DDI1: variants seen among roughly 807,000 people sequenced by gnomAD.
DDI1 encodes protein DDI1 homolog 1.
A neutral mutation model predicts 7.2 loss-of-function variants in DDI1; 6 were observed. The ratio of observed to expected loss-of-function variants is 0.83; its 90% CI spans 0.46 to 1.64. The LOEUF (loss-of-function observed/expected upper bound fraction) is 1.64. Ranked by LOEUF, DDI1 falls within the 40% of genes most tolerant of loss-of-function variation. The pLI, the probability that DDI1 is intolerant of heterozygous loss-of-function variation, is 0.01. For missense variants in DDI1, 502 were observed against 516.6 expected (o/e 0.97, Z 0.27); for synonymous variants, 221 against 201.7 (o/e 1.10, Z -0.81).
rs138283618 is a variant in DDI1 at position 104,038,064 on chromosome 11, A to G, written c.*51A>G. On this transcript the variant is annotated 3_prime_UTR_variant, in exon 1 of 1. Coordinates refer to ENST00000302259, the MANE Select transcript of DDI1 (RefSeq NM_001001711.3). Reference sequence around the variant, plus strand: ...TTGAGGGAGCCTCAGGTCCCCGGCAATTATAAGTTAAGAGCTTACTGGCAA... The same window carrying G: ...TTGAGGGAGCCTCAGGTCCCCGGCAGTTATAAGTTAAGAGCTTACTGGCAA... The G allele has an allele frequency of 8.8e-4, 1,346 of 1,524,638 alleles. 12 individuals are homozygous for G. In the African/African-American group the frequency reaches 0.017, roughly 19 times the overall value. The allele number at this position is 1,524,638 out of a possible 1,614,324, so 94.4% of individuals were successfully genotyped here.
In DDI1 at chr11:104,037,311, C is replaced by G. The variant is rs778642489; in HGVS notation, c.489C>G (p.Arg163=). 2 of 1,613,538 alleles carry G rather than the reference C, an allele frequency of 1.2e-6. No individual in the cohort carries two copies. The highest frequency in any genetic ancestry group is 1.7e-6 in the Non-Finnish European group (2 of 1,179,642). Residue 163 remains arginine (R), a synonymous_variant, in exon 1 of 1, where the codon CGC becomes CGG. Coordinates refer to ENST00000302259, the MANE Select transcript of DDI1 (RefSeq NM_001001711.3). ...ACGATCTGTCCCTGCTCAAGGAACG[C>G]AACCCTCCCTTGGCGGAAGCCCTGC... ...NPHDLSLLKE[R]NPPLAEALLS...
rs1328951345 is a variant in DDI1 at position 104,037,811 on chromosome 11, T to C, written c.989T>C (p.Leu330Pro). Residue 330 changes from leucine (L) to proline (P), a missense_variant, in exon 1 of 1, where the codon CTA becomes CCA. Physicochemically the swap from Leu to Pro is moderately conservative, Grantham distance 98 (BLOSUM62 -3). Transcript: ENST00000302259. ...GAGGATCAACCCATGGATATGCTTC[T>C]AGGCCTAGATATGCTCCGGAGACAT... ...ILEDQPMDML[L>P]GLDMLRRHQC... is the part of the protein sequence containing the mutation. 6 of 1,614,076 alleles carry C rather than the reference T, an allele frequency of 3.7e-6. No homozygotes were observed. The African/African-American group carries it at 4.0e-5, about 11-fold the overall frequency.
In DDI1 at chr11:104,037,884, T is replaced by C; in HGVS notation, c.1062T>C (p.Thr354=). Residue 354 remains threonine, a synonymous_variant, in exon 1 of 1, where the codon ACT becomes ACC. Transcript: ENST00000302259. ...AAAATGTGCTGGTCATCGGCACCAC[T>C]GGCACGCAGACTTATTTTCTTCCTG... ...LKKNVLVIGT[T]GTQTYFLPEG... 6.2e-7 allele frequency: 1 copy of C among 1,614,202 alleles called. No individual in the cohort carries two copies. The highest frequency in any genetic ancestry group is 8.5e-7 in the Non-Finnish European group (1 of 1,180,036).
In DDI1 at chr11:104,037,077, A is replaced by C. The variant is rs773169369; in HGVS notation, c.255A>C (p.Pro85=). The change falls in exon 1 of 1, where the codon CCA becomes CCC. Residue 85 remains proline (P), a synonymous_variant. Transcript: ENST00000302259. ...AGGACAATGTGGGACCTCGGGCTCCAGGGCGTGCCCCGAACCAGCCTCGTG... is the reference window on the plus strand; with the variant it reads ...AGGACAATGTGGGACCTCGGGCTCCCGGGCGTGCCCCGAACCAGCCTCGTG... The part of the protein sequence containing the change: ...LQKDNVGPRA[P]GRAPNQPRVD... 1.1e-5 allele frequency: 18 copies of C among 1,614,126 alleles called. No homozygotes were observed. The East Asian group carries it at 1.6e-4, about 14-fold the overall frequency.
In DDI1 at chr11:104,038,587, T is replaced by C. The variant is rs1860295265; in HGVS notation, c.*574T>C. 6.0e-6 allele frequency: 1 copy of C among 167,232 alleles called. No individual in the cohort carries two copies. Among genetic ancestry groups the C allele is most frequent in the Non-Finnish European group, 1.5e-5 (1 of 68,286 alleles). The allele number at this position is 167,232 out of a possible 1,614,324, so 10.4% of individuals were successfully genotyped here. ...AGACCAATTTCCTCATATTTACACC[T>C]TCCCTTCCCCTGGATCCCCTGCAGT... On this transcript the variant is annotated 3_prime_UTR_variant, in exon 1 of 1. Transcript: ENST00000302259.
Position 104,037,820 on chromosome 11 carries a change from A to G in DDI1, c.998A>G (p.Asp333Gly). 6.2e-7 allele frequency: 1 copy of G among 1,614,168 alleles called. No homozygotes were observed. Among genetic ancestry groups the G allele is most frequent in the Non-Finnish European group, 8.5e-7 (1 of 1,180,028 alleles). Reference protein sequence around the residue: ...DQPMDMLLGLDMLRRHQCSID... With the variant: ...DQPMDMLLGLGMLRRHQCSID... Reference sequence around the variant, plus strand: ...CCCATGGATATGCTTCTAGGCCTAGATATGCTCCGGAGACATCAATGTTCC... The same window carrying G: ...CCCATGGATATGCTTCTAGGCCTAGGTATGCTCCGGAGACATCAATGTTCC... Residue 333 changes from aspartate (D) to glycine (G), a missense_variant, in exon 1 of 1, where the codon GAT becomes GGT. Coordinates refer to ENST00000302259, the MANE Select transcript of DDI1 (RefSeq NM_001001711.3).
Position 104,038,097 on chromosome 11 carries a change from A to C in DDI1, c.*84A>C. ...TTAAGAGCTTACTGGCAATGTAATC[A>C]TTAAAAAACATCAGTAACAACTAAA... On this transcript the variant is annotated 3_prime_UTR_variant, in exon 1 of 1. Coordinates refer to ENST00000302259, the MANE Select transcript of DDI1 (RefSeq NM_001001711.3). The C allele has an allele frequency of 2.2e-6, 3 of 1,347,922 alleles. No individual in the cohort carries two copies. The highest frequency in any genetic ancestry group is 3.0e-5 in the South Asian group (2 of 67,020). 83.5% of individuals were successfully genotyped at this position (1,347,922 alleles called of 1,614,324 possible).
Position 104,037,654 on chromosome 11 carries a change from A to G in DDI1, c.832A>G (p.Ile278Val). The G allele has an allele frequency of 6.2e-7, 1 of 1,614,178 alleles. No homozygotes were observed. The highest frequency in any genetic ancestry group is 1.1e-5 in the South Asian group (1 of 91,078). ...MSQACAERCN[I>V]MRLVDRRWAG... Reference sequence around the variant, plus strand: ...CCAGGCTTGTGCCGAGCGATGTAACATCATGAGGCTGGTGGACCGACGGTG... The same window carrying G: ...CCAGGCTTGTGCCGAGCGATGTAACGTCATGAGGCTGGTGGACCGACGGTG... The change falls in exon 1 of 1, where the codon ATC (isoleucine) becomes GTC (valine). Residue 278 changes from isoleucine to valine, a missense_variant. Ile to Val is a conservative substitution (Grantham distance 29). Transcript: ENST00000302259.
rs1241982192 is a variant in DDI1, at chr11:104,037,371, G to A, written c.549G>A (p.Leu183=). The change falls in exon 1 of 1, where the codon CTG becomes CTA. Residue 183 remains leucine (L), a synonymous_variant. Coordinates refer to ENST00000302259, the MANE Select transcript of DDI1 (RefSeq NM_001001711.3). ...SGSLETFSQV[L]MEQQREKALR... The stretch of plus-strand genomic sequence containing the variant: ...GCCTTGAGACCTTTTCTCAGGTGCT[G>A]ATGGAGCAGCAAAGGGAAAAGGCCT... 1 of 1,614,030 alleles carries A rather than the reference G, an allele frequency of 6.2e-7. No individual in the cohort carries two copies. The highest frequency in any genetic ancestry group is 8.5e-7 in the Non-Finnish European group (1 of 1,180,056).
rs1860289786 is a variant in DDI1, at chr11:104,038,386, C to T, written c.*373C>T. 4.9e-6 allele frequency: 1 copy of T among 204,450 alleles called. No homozygotes were observed. The highest frequency in any genetic ancestry group is 5.3e-5 in the Admixed American group (1 of 18,900). The allele number at this position is 204,450 out of a possible 1,614,324, so 12.7% of individuals were successfully genotyped here. A position where few individuals can be genotyped will look rare whatever the true frequency, so the allele number is the denominator to read the frequency against. ...CCTGGAAAAATGCTATGGCTGCAGA[C>T]CTTACAAGGCATCCACATAAAACTA... is the stretch of plus-strand genomic sequence containing the variant. On this transcript the variant is annotated 3_prime_UTR_variant, in exon 1 of 1. Transcript: ENST00000302259.
Position 104,038,123 on chromosome 11 carries a change from C to A in DDI1, c.*110C>A, listed in dbSNP as rs1333033644. 1 of 1,167,564 alleles carries A rather than the reference C, an allele frequency of 8.6e-7. No individual in the cohort carries two copies. Among genetic ancestry groups the A allele is most frequent in the Admixed American group, 2.8e-5 (1 of 36,268 alleles). The allele number at this position is 1,167,564 out of a possible 1,614,324, so 72.3% of individuals were successfully genotyped here. On this transcript the variant is annotated 3_prime_UTR_variant, in exon 1 of 1. Transcript: ENST00000302259. Reference sequence around the variant, plus strand: ...TTAAAAAACATCAGTAACAACTAAACCTGGCCTTGGGACTACGTTCTCAGA... The same window carrying A: ...TTAAAAAACATCAGTAACAACTAAAACTGGCCTTGGGACTACGTTCTCAGA...
At position 104,037,322 on chromosome 11, in the gene DDI1, T is replaced by C. The variant is rs768971635; in HGVS notation, c.500T>C (p.Leu167Ser). The stretch of plus-strand genomic sequence containing the variant: ...CTGCTCAAGGAACGCAACCCTCCCT[T>C]GGCGGAAGCCCTGCTCAGCGGAAGC... ...LSLLKERNPPLAEALLSGSLE... is the reference protein window; with the variant it reads ...LSLLKERNPPSAEALLSGSLE... The change falls in exon 1 of 1, where the codon TTG (leucine) becomes TCG (serine). Residue 167 changes from leucine (L) to serine (S), a missense_variant. Physicochemically the swap from Leu to Ser is moderately radical, Grantham distance 145. Coordinates refer to ENST00000302259, the MANE Select transcript of DDI1 (RefSeq NM_001001711.3). The C allele has an allele frequency of 1.2e-6, 2 of 1,613,772 alleles. No individual in the cohort carries two copies. Among genetic ancestry groups the C allele is most frequent in the East Asian group, 4.5e-5 (2 of 44,848 alleles).
Position 104,037,767 on chromosome 11 carries a change from G to A in DDI1, c.945G>A (p.Gln315=). ...AQIQIEGDFL[Q]CSFSILEDQP... ...TTCAAATTGAAGGTGATTTCTTACA[G>A]TGCTCTTTCTCCATACTTGAGGATC... The change falls in exon 1 of 1, where the codon CAG becomes CAA. Residue 315 remains glutamine, a synonymous_variant. Transcript: ENST00000302259. 6.2e-7 allele frequency: 1 copy of A among 1,614,132 alleles called. No individual in the cohort carries two copies. The highest frequency in any genetic ancestry group is 8.5e-7 in the Non-Finnish European group (1 of 1,180,032).
Position 104,037,842 on chromosome 11 carries a change from T to G in DDI1, c.1020T>G (p.Cys340Trp), listed in dbSNP as rs750678700. Residue 340 changes from cysteine to tryptophan, a missense_variant, in exon 1 of 1, where the codon TGT (cysteine) becomes TGG (tryptophan). Cys to Trp is a radical substitution (Grantham distance 215). Coordinates refer to ENST00000302259, the MANE Select transcript of DDI1 (RefSeq NM_001001711.3). ...LGLDMLRRHQ[C>W]SIDLKKNVLV... Reference sequence around the variant, plus strand: ...TAGATATGCTCCGGAGACATCAATGTTCCATCGATTTGAAGAAAAATGTGC... The same window carrying G: ...TAGATATGCTCCGGAGACATCAATGGTCCATCGATTTGAAGAAAAATGTGC... The G allele has an allele frequency of 1.1e-5, 17 of 1,614,084 alleles. No individual in the cohort carries two copies. The highest frequency in any genetic ancestry group is 1.4e-5 in the Non-Finnish European group (16 of 1,180,040).
chr11:104,037,140 C>T lies in DDI1; in HGVS notation c.318C>T (p.Ser106=). The change falls in exon 1 of 1, where the codon AGC becomes AGT. Residue 106 remains serine (S), a synonymous_variant. Transcript: ENST00000302259. ...GCATTGCGGTGCCTGGGACGTCCAG[C>T]TCCCGTCCACAGCACCCTGGACAGC... ...FSGIAVPGTS[S]SRPQHPGQQQ... 6.2e-7 allele frequency: 1 copy of T among 1,613,864 alleles called. No homozygotes were observed. Among genetic ancestry groups the T allele is most frequent in the Non-Finnish European group, 8.5e-7 (1 of 1,180,014 alleles).
rs761603254 is a variant in DDI1, at chr11:104,037,916, A to G, written c.1094A>G (p.Glu365Gly). ...GTQTYFLPEG[E>G]LPLCSRMVSG... ...CAGACTTATTTTCTTCCTGAGGGAG[A>G]GTTGCCCTTATGCTCTAGGATGGTA... The change falls in exon 1 of 1, where the codon GAG becomes GGG. Residue 365 changes from glutamate (E) to glycine (G), a missense_variant. By Grantham distance (98) the Glu-to-Gly change is moderately conservative. Coordinates refer to ENST00000302259, the MANE Select transcript of DDI1 (RefSeq NM_001001711.3). 8.7e-6 allele frequency: 14 copies of G among 1,614,102 alleles called. No homozygotes were observed. The highest frequency in any genetic ancestry group is 1.0e-5 in the Non-Finnish European group (12 of 1,180,016).
In DDI1 at chr11:104,036,676, T is replaced by G; in HGVS notation, c.-147T>G. 1.5e-6 allele frequency: 1 copy of G among 663,838 alleles called. No individual in the cohort carries two copies. Among genetic ancestry groups the G allele is most frequent in the South Asian group, 1.8e-5 (1 of 55,862 alleles). 41.1% of individuals were successfully genotyped at this position (663,838 alleles called of 1,614,324 possible). On this transcript the variant is annotated 5_prime_UTR_variant, in exon 1 of 1. Transcript: ENST00000302259. ...GAGACAGCCCCCAGACAGATGAGTG[T>G]CCGCGCCTCTCTGAGAGGTGAATGA...
At position 104,037,161 on chromosome 11, in the gene DDI1, A is replaced by ACAG. The variant is rs1555046199; in HGVS notation, c.350_352dup (p.Gln117dup). 1.2e-6 allele frequency: 2 copies of ACAG among 1,613,706 alleles called. No homozygotes were observed. Among genetic ancestry groups the ACAG allele is most frequent in the East Asian group, 2.2e-5 (1 of 44,864 alleles). On this transcript the variant is annotated inframe_insertion, in exon 1 of 1. Transcript: ENST00000302259. ...CCAGCTCCCGTCCACAGCACCCTGG[A>ACAG]CAGCAGCAGCAGCGCACACCCGCTG...
In DDI1 at chr11:104,037,070, G is replaced by C. The variant is rs776633894; in HGVS notation, c.248G>C (p.Arg83Pro). The C allele has an allele frequency of 6.2e-7, 1 of 1,614,194 alleles. No individual in the cohort carries two copies. The highest frequency in any genetic ancestry group is 8.5e-7 in the Non-Finnish European group (1 of 1,180,028). The change falls in exon 1 of 1, where the codon CGG becomes CCG. Residue 83 changes from arginine to proline, a missense_variant. By Grantham distance (103) the Arg-to-Pro change is moderately radical. Transcript: ENST00000302259. Reference sequence around the variant, plus strand: ...CTGCAGAAGGACAATGTGGGACCTCGGGCTCCAGGGCGTGCCCCGAACCAG... The same window carrying C: ...CTGCAGAAGGACAATGTGGGACCTCCGGCTCCAGGGCGTGCCCCGAACCAG... The part of the protein sequence containing the change: ...VLLQKDNVGP[R>P]APGRAPNQPR...
Sources: allele counts gnomAD v4.1 joint callset, GRCh38; gene constraint gnomAD v4.1.1; transcripts MANE v1.5; gene names NCBI Gene and HGNC (gene_info 2026-07-23, HGNC 2026-07-21).